The following PEAK1 variants were observed in gnomAD, a reference collection of about 807,000 sequenced individuals.
PEAK1 encodes the protein inactive tyrosine-protein kinase PEAK1.
Under a neutral mutation model 124.7 loss-of-function variants are expected in PEAK1, and 54 were observed. That is an observed-to-expected ratio of 0.43 (90% CI 0.35 to 0.54). PEAK1 has a LOEUF of 0.54. Ranked by LOEUF, PEAK1 falls within the 20% of genes least tolerant of loss-of-function variation. The pLI is 0.01. For synonymous variants in PEAK1, 719 were observed against 760.0 expected (o/e 0.95, Z 0.89); for missense variants, 2,046 against 2,134.5 (o/e 0.96, Z 0.82).
At chr15:77,172,334 AC>A (rs2152807183) in intron 7 of PEAK1, among the ~76,000 whole-genome samples, 1 of 152,354 alleles carries the variant, frequency 6.6e-6, no homozygotes, top group East Asian at 1.9e-4. Context: ...TGCAAATTCA[AC>A]CATCAATCTC....
intron 2 of PEAK1, chr15:77,349,473 G>C (rs925104579): frequency 8.1e-6 from 8 of 984,696 alleles, no homozygotes; most frequent in Non-Finnish European, 8.4e-6. Flanking sequence ...CACATTTTTA[G>C]GCCTATTTCC....
At chr15:77,290,971 T>C (rs1414322696) in intron 2 of PEAK1, among the ~76,000 whole-genome samples, 1 of 152,182 alleles carries the variant, frequency 6.6e-6, no homozygotes, top group Non-Finnish European at 1.5e-5. Flanking sequence ...CGTTTAACTA[T>C]ATAGCCATAT....
intron 8 of PEAK1, among the ~76,000 whole-genome samples, chr15:77,140,041 A>G (rs2053648763): frequency 6.6e-6 from 1 of 152,128 alleles, no homozygotes; most frequent in Admixed American, 6.5e-5. Context: ...CTACTGAAAG[A>G]CAGAAAGTAG....
At position 77,114,275 on chromosome 15, in the gene PEAK1, C is replaced by T. The variant is rs1193818609; in HGVS notation, c.5122G>A (p.Glu1708Lys). 1.2e-6 allele frequency: 2 copies of T among 1,614,260 alleles called. No individual in the cohort carries two copies. Among genetic ancestry groups the T allele is most frequent in the East Asian group, 2.2e-5 (1 of 44,888 alleles). Residue 1708 changes from glutamate to lysine, a missense_variant, in exon 10 of 10, where the codon GAG (glutamate) becomes AAG (lysine). Physicochemically the swap from Glu to Lys is moderately conservative, Grantham distance 56. Transcript: ENST00000682557. Reference sequence around the variant, plus strand: ...CCACCTTCCCTGTCCAGGGACTTCTCAGCAAACTTGATCATGAGCAGTGTT... The same window carrying T: ...CCACCTTCCCTGTCCAGGGACTTCTTAGCAAACTTGATCATGAGCAGTGTT... ...KRTLLMIKFA[E>K]KSLDREGGIS...
chr15:77,286,264 T>TA (rs1347499417), intron 3 of PEAK1, among the ~76,000 whole-genome samples, 159 bp downstream of exon 3: 2 of 152,102 alleles, frequency 1.3e-5, no homozygotes, highest in African/African-American at 4.8e-5. Context: ...TAGTTGCAAA[T>TA]AGTTTGAAAA....
At chr15:77,404,089 A>C in intron 1 of PEAK1, 3 of 985,102 alleles carry the variant, frequency 3.0e-6, no homozygotes, top group Non-Finnish European at 3.6e-6. Flanking sequence ...TACTGCAAAT[A>C]ATATATCCAG....
At chr15:77,327,168 C>T (rs1197194762) in intron 2 of PEAK1, among the ~76,000 whole-genome samples, 1 of 151,990 alleles carries the variant, frequency 6.6e-6, no homozygotes, top group African/African-American at 2.4e-5. Flanking sequence ...AGAAAATATT[C>T]AAAGTTTTCA....
At chr15:77,347,775 T>C in intron 2 of PEAK1, 7 of 983,754 alleles carry the variant, frequency 7.1e-6, no homozygotes, top group Non-Finnish European at 8.4e-6. Context: ...GAAAAAAAAT[T>C]TAGTGAGTGT....
At chr15:77,143,118 T>C (rs2152756893) in intron 8 of PEAK1, among the ~76,000 whole-genome samples, 1 of 152,328 alleles carries the variant, frequency 6.6e-6, no homozygotes, top group Admixed American at 6.5e-5. Context: ...ATGTTTCCTG[T>C]GATGGTGGGG....
chr15:77,206,440 C>A (rs1400580750), intron 6 of PEAK1, among the ~76,000 whole-genome samples: 2 of 146,324 alleles, frequency 1.4e-5, no homozygotes, highest in Non-Finnish European at 3.0e-5. Context: ...TACAGTCCCA[C>A]CAACAGTGTA....
At chr15:77,335,821 T>C (rs2066164371) in intron 2 of PEAK1, 2 of 985,284 alleles carry the variant, frequency 2.0e-6, no homozygotes, top group Admixed American at 6.1e-5. Flanking sequence ...TCCATGCTTC[T>C]AGGTAATGGT....
chr15:77,334,608 A>C lies in PEAK1; in HGVS notation c.-603+30555T>G, dbSNP rs1301131765. On this transcript the variant is annotated intron_variant, in intron 2 of 9. Transcript: ENST00000682557. ...ATTGTCTCTAGCATAAATGCCTACAATTACGAAAAGTCCAGCAGGAAATAT... is the reference window on the plus strand; with the variant it reads ...ATTGTCTCTAGCATAAATGCCTACACTTACGAAAAGTCCAGCAGGAAATAT... 4.1e-6 allele frequency: 4 copies of C among 985,324 alleles called. No homozygotes were observed. The East Asian group carries it at 4.5e-4, about 112-fold the overall frequency. The allele number at this position is 985,324 out of a possible 1,614,324, so 61.0% of individuals were successfully genotyped here.
chr15:77,316,345 T>C (rs1014399122), intron 2 of PEAK1, among the ~76,000 whole-genome samples: 8 of 152,190 alleles, frequency 5.3e-5, no homozygotes, highest in African/African-American at 1.4e-4. Context: ...CATACAGCCT[T>C]CCAGCTGTAT....
chr15:77,316,756 T>C (rs2064904628), intron 2 of PEAK1, among the ~76,000 whole-genome samples: 1 of 152,136 alleles, frequency 6.6e-6, no homozygotes, highest in Admixed American at 6.6e-5. Context: ...TGTATACCTA[T>C]GGAAAAATGT....
At chr15:77,271,458 C>G (rs2062027093) in intron 5 of PEAK1, among the ~76,000 whole-genome samples, 1 of 152,072 alleles carries the variant, frequency 6.6e-6, no homozygotes, top group Non-Finnish European at 1.5e-5. Context: ...ATAAATCATG[C>G]TGCTATAAAG....
chr15:77,309,551 G>C (rs995450162), intron 2 of PEAK1, among the ~76,000 whole-genome samples: 1 of 152,038 alleles, frequency 6.6e-6, no homozygotes, highest in African/African-American at 2.4e-5. Context: ...GAAAATGATA[G>C]TAATATGCAA....
At chr15:77,365,027 T>C (rs1453580204) in intron 2 of PEAK1, 136 bp downstream of exon 2, 2 of 160,666 alleles carry the variant, frequency 1.2e-5, no homozygotes, top group East Asian at 1.9e-4. Context: ...GCATACTCTA[T>C]ATGTAGTTTT....
At chr15:77,352,376 T>C in intron 2 of PEAK1, 1 of 985,308 alleles carries the variant, frequency 1.0e-6, no homozygotes, top group Non-Finnish European at 1.2e-6. Flanking sequence ...CCCAGAACTC[T>C]GCTCAAATGG....
intron 2 of PEAK1, among the ~76,000 whole-genome samples, chr15:77,306,191 C>T (rs2064093095): frequency 6.6e-6 from 1 of 152,012 alleles, no homozygotes; most frequent in African/African-American, 2.4e-5. Context: ...CTTTTCAGTC[C>T]TGAATTTTTA....
Sources: allele counts gnomAD v4.1 joint callset (sites outside exome capture counted in the v4.1 genomes callset), GRCh38; gene constraint gnomAD v4.1.1; transcripts MANE v1.5; gene names NCBI Gene and HGNC (gene_info 2026-07-23, HGNC 2026-07-21).